MYLK3: variants seen among roughly 807,000 people sequenced by gnomAD.
MYLK3 encodes the protein myosin light chain kinase 3.
A neutral mutation model predicts 76.3 loss-of-function variants in MYLK3; 55 were observed. The observed-to-expected ratio is 0.72, with a 90% confidence interval of 0.58 to 0.90. The LOEUF (loss-of-function observed/expected upper bound fraction) is 0.90, where lower values mean the gene tolerates loss of function less well. MYLK3 is among the 40% of genes least tolerant of loss of function. The pLI, the probability that MYLK3 is intolerant of heterozygous loss-of-function variation, is 0.00. For synonymous variants in MYLK3, 416 were observed against 425.4 expected (o/e 0.98, Z 0.27); for missense variants, 973 against 1,053.6 (o/e 0.92, Z 1.06).
At chr16:46,731,461 C>A (rs1966852325) in intron 4 of MYLK3, among the ~76,000 whole-genome samples, 2 of 152,152 alleles carry the variant, frequency 1.3e-5, no homozygotes, top group South Asian at 2.1e-4. Context: ...GTGGTATGAA[C>A]CGGTTGTGCA....
chr16:46,733,596 C>T (rs1319303568), intron 3 of MYLK3, among the ~76,000 whole-genome samples: 1 of 152,148 alleles, frequency 6.6e-6, no homozygotes, highest in Non-Finnish European at 1.5e-5. Flanking sequence ...GGGAAAGGCC[C>T]TCTGAGCCCC....
chr16:46,747,850 A>C lies in MYLK3; in HGVS notation c.344T>G (p.Phe115Cys). 6.2e-7 allele frequency: 1 copy of C among 1,614,132 alleles called. No individual in the cohort carries two copies. ...CCTGTCCACCGCAGCCACCATCCTG[A>C]AGAGGGCCTCCAGCCTGGCACCGTG... ...AQHGARLEAL[F>C]RMVAAVDRAI... The change falls in exon 1 of 13, where the codon TTC (phenylalanine) becomes TGC (cysteine). Residue 115 changes from phenylalanine to cysteine, a missense_variant. Physicochemically the swap from Phe to Cys is radical, Grantham distance 205. Coordinates refer to ENST00000394809, the MANE Select transcript of MYLK3 (RefSeq NM_182493.3).
chr16:46,714,745 C>T (rs1478567069), intron 9 of MYLK3, among the ~76,000 whole-genome samples: 22 of 152,206 alleles, frequency 1.4e-4, no homozygotes, highest in Non-Finnish European at 1.0e-4. Context: ...CCAACCTAGG[C>T]CATCAGAGCT....
At chr16:46,719,580 CTGGACTTCACAGCACCTATCTG>C (rs1567282772) in intron 9 of MYLK3, among the ~76,000 whole-genome samples, 2 of 152,168 alleles carry the variant, frequency 1.3e-5, no homozygotes, top group Non-Finnish European at 2.9e-5. Context: ...ACACATGTGA[CTGGACTTCACAGCACCTATCTG>C]TGAAGAGAGT....
intron 1 of MYLK3, among the ~76,000 whole-genome samples, chr16:46,746,809 G>A (rs901229094): frequency 5.3e-5 from 8 of 152,172 alleles, no homozygotes; most frequent in Admixed American, 1.3e-4. Context: ...TGCAGACAGC[G>A]GGGGCTAGGG....
intron 8 of MYLK3, among the ~76,000 whole-genome samples, chr16:46,724,093 G>A (rs1966826539): frequency 6.6e-6 from 1 of 152,174 alleles, no homozygotes; most frequent in African/African-American, 2.4e-5. Context: ...AGTGGCAATT[G>A]TATGTTTTCA....
intron 8 of MYLK3, among the ~76,000 whole-genome samples, chr16:46,725,109 G>A (rs980656234): frequency 3.9e-5 from 6 of 152,112 alleles, no homozygotes; most frequent in East Asian, 1.9e-4. Flanking sequence ...TTCAGTCCCA[G>A]TATTTAGAAA....
intron 1 of MYLK3, among the ~76,000 whole-genome samples, chr16:46,759,213 C>T (rs1208180955): frequency 6.6e-6 from 1 of 152,246 alleles, no homozygotes; most frequent in African/African-American, 2.4e-5. Context: ...TTCTCATTTA[C>T]TCTCTTCCTT....
chr16:46,709,856 C>T (rs1296327957), intron 11 of MYLK3, among the ~76,000 whole-genome samples, 185 bp from the exon 12 acceptor site: 2 of 152,050 alleles, frequency 1.3e-5, no homozygotes, highest in African/African-American at 2.4e-5. Context: ...GCCAGAAGGT[C>T]GTCAGCAAAA....
intron 1 of MYLK3, among the ~76,000 whole-genome samples, chr16:46,758,739 C>T (rs1400128491): frequency 6.6e-6 from 1 of 152,138 alleles, no homozygotes; most frequent in Non-Finnish European, 1.5e-5. Flanking sequence ...ACGTAAGTAG[C>T]AAAGACAGGG....
chr16:46,737,762 C>A lies in MYLK3; in HGVS notation c.950G>T (p.Gly317Val). 1 of 1,611,100 alleles carries A rather than the reference C, an allele frequency of 6.2e-7. No homozygotes were observed. Among genetic ancestry groups the A allele is most frequent in the Non-Finnish European group, 8.5e-7 (1 of 1,179,450 alleles). The stretch of plus-strand genomic sequence containing the variant: ...GGTTGCCCTGGCCTGGGCTGGCAGC[C>A]CTGGAGGCCCTGGGCACTGAGGGCC... Reference protein sequence around the residue: ...GPGPQCPGPPGLPAQARATHS... With the variant: ...GPGPQCPGPPVLPAQARATHS... The change falls in exon 3 of 13, where the codon GGG becomes GTG. Residue 317 changes from glycine to valine, a missense_variant. By Grantham distance (109) the Gly-to-Val change is moderately radical. Transcript: ENST00000394809.
In MYLK3 at chr16:46,737,937, T is replaced by C. The variant is rs1254779675; in HGVS notation, c.775A>G (p.Arg259Gly). 1 of 1,614,020 alleles carries C rather than the reference T, an allele frequency of 6.2e-7. No individual in the cohort carries two copies. Among genetic ancestry groups the C allele is most frequent in the East Asian group, 2.2e-5 (1 of 44,880 alleles). ...GCTGGAGCCAATTCCAGGCCAGTCC[T>C]GAGGTTCTCGCTGGGTGTCTCAGGA... ...KAPETPSENL[R>G]TGLELAPAPG... The change falls in exon 3 of 13, where the codon AGG becomes GGG. Residue 259 changes from arginine to glycine, a missense_variant. Physicochemically the swap from Arg to Gly is moderately radical, Grantham distance 125. Coordinates refer to ENST00000394809, the MANE Select transcript of MYLK3 (RefSeq NM_182493.3).
chr16:46,717,392 A>C (rs1966752999), intron 9 of MYLK3, among the ~76,000 whole-genome samples: 1 of 152,154 alleles, frequency 6.6e-6, no homozygotes, highest in Non-Finnish European at 1.5e-5. Flanking sequence ...TTTTGGCTTG[A>C]CTAATTTTTG....
At chr16:46,746,671 C>T (rs1967029990) in intron 1 of MYLK3, among the ~76,000 whole-genome samples, 1 of 152,178 alleles carries the variant, frequency 6.6e-6, no homozygotes, top group Admixed American at 6.5e-5. Context: ...GCAATCCTCC[C>T]ACCTCGGCCT....
intron 6 of MYLK3, 105 bp from the exon 7 acceptor site, chr16:46,729,238 T>C (rs1282764839): frequency 1.1e-6 from 1 of 877,804 alleles, no homozygotes; most frequent in East Asian, 2.5e-5. Context: ...TTCCTTAGTT[T>C]CCTATTCTCA....
chr16:46,748,219 G>T lies in MYLK3; in HGVS notation c.-26C>A, dbSNP rs778273604. The T allele has an allele frequency of 2.5e-6, 4 of 1,596,480 alleles. No homozygotes were observed. The highest frequency in any genetic ancestry group is 3.4e-6 in the Non-Finnish European group (4 of 1,170,356). ...GCTGGTGCAGGCTTGACAAGGGCAA[G>T]AGCGGGGAATGAGGAGAGGCACAGA... is the stretch of plus-strand genomic sequence containing the variant. On this transcript the variant is annotated 5_prime_UTR_variant, in exon 1 of 13. Coordinates refer to ENST00000394809, the MANE Select transcript of MYLK3 (RefSeq NM_182493.3). This position sits in a 1 kb window ranked among gnomAD's most constrained non-coding sequence, Gnocchi z 4.3.
In MYLK3 at chr16:46,737,725, T is replaced by C; in HGVS notation, c.987A>G (p.Gly329=). 6.3e-7 allele frequency: 1 copy of C among 1,599,760 alleles called. No homozygotes were observed. The highest frequency in any genetic ancestry group is 1.1e-5 in the South Asian group (1 of 90,602). Residue 329 remains glycine (G), a synonymous_variant, in exon 3 of 13, where the codon GGA becomes GGG. Coordinates refer to ENST00000394809, the MANE Select transcript of MYLK3 (RefSeq NM_182493.3). ...GCTCCCCTTACCTTGGAGGTGTTTCTCCACCACTGTGGGTTGCCCTGGCCT... is the reference window on the plus strand; with the variant it reads ...GCTCCCCTTACCTTGGAGGTGTTTCCCCACCACTGTGGGTTGCCCTGGCCT... ...PAQARATHSG[G]ETPPRISIHI... is the part of the protein sequence containing the mutation.
chr16:46,731,970 C>T (rs567744083), intron 4 of MYLK3, among the ~76,000 whole-genome samples: 1 of 152,032 alleles, frequency 6.6e-6, no homozygotes, highest in Non-Finnish European at 1.5e-5. Context: ...GGAAATGTAC[C>T]CAGGTGGGCC....
intron 1 of MYLK3, among the ~76,000 whole-genome samples, chr16:46,754,539 ATGGGATACCC>A (rs1172686151): frequency 1.4e-4 from 22 of 152,188 alleles, no homozygotes; most frequent in Middle Eastern, 6.3e-3. Flanking sequence ...CCCCTTCGCC[ATGGGATACCC>A]TGGGCCACCT....
Sources: allele counts gnomAD v4.1 joint callset (sites outside exome capture counted in the v4.1 genomes callset), GRCh38; gene constraint gnomAD v4.1.1; non-coding constraint Gnocchi (gnomAD v3.1); transcripts MANE v1.5; gene names NCBI Gene and HGNC (gene_info 2026-07-23, HGNC 2026-07-21).